The following GRID2 variants were observed in gnomAD, a reference collection of about 807,000 sequenced individuals.
GRID2 encodes the protein glutamate receptor ionotropic, delta-2.
GRID2 carries 33 observed loss-of-function variants against 114.8 expected under a neutral mutation model. That is an observed-to-expected ratio of 0.29 (90% CI 0.22 to 0.38). The LOEUF is 0.38. Among genes scored for constraint, GRID2 ranks in the 10% least tolerant of loss-of-function variants. GRID2 has a pLI of 1.00. For missense variants in GRID2, 1,184 were observed against 1,257.7 expected, an observed-to-expected ratio of 0.94 and a Z score of 0.89; for synonymous variants, 505 against 449.9, an observed-to-expected ratio of 1.12 and a Z score of -1.55.
At chr4:93,188,574 C>T (rs1268329202) in intron 4 of GRID2, among the ~76,000 whole-genome samples, 1 of 152,188 alleles carries the variant, frequency 6.6e-6, no homozygotes, top group Non-Finnish European at 1.5e-5. Flanking sequence ...TCCATAGTAA[C>T]CTTATCAAAT....
intron 2 of GRID2, among the ~76,000 whole-genome samples, chr4:92,936,116 G>A (rs1049346406): frequency 6.8e-6 from 1 of 146,228 alleles, no homozygotes; most frequent in Non-Finnish European, 1.5e-5. Flanking sequence ...CAAAAGAAAT[G>A]CACTTTTAAA....
rs139653739 is a variant in GRID2 at position 92,892,322 on chromosome 4, T to A, written c.245-192673T>A. On this transcript the variant is annotated intron_variant, in intron 2 of 15. Coordinates refer to ENST00000282020, the MANE Select transcript of GRID2 (RefSeq NM_001510.4). ...CTGTTAAAAAAAAATTGAGGGAACT[T>A]ATTCTGGGGTAAATGATGTTTTCAA... Among the ~76,000 whole-genome samples, 666 of 152,250 alleles carry A rather than the reference T, an allele frequency of 4.4e-3. 3 individuals carry two copies. Among genetic ancestry groups the A allele is most frequent in the Non-Finnish European group, 7.9e-3 (536 of 68,030 alleles).
At chr4:92,409,110 T>C (rs1731174681) in intron 1 of GRID2, among the ~76,000 whole-genome samples, 1 of 152,142 alleles carries the variant, frequency 6.6e-6, no homozygotes, top group Non-Finnish European at 1.5e-5. Context: ...GGGTTTCTCA[T>C]ATATGGCTCT....
At chr4:93,531,635 T>C (rs565168160) in intron 13 of GRID2, among the ~76,000 whole-genome samples, 1 of 152,260 alleles carries the variant, frequency 6.6e-6, no homozygotes, top group East Asian at 1.9e-4. Context: ...ATTAAGTTGA[T>C]AATAGATAAA....
At chr4:92,574,307 T>A (rs970226923) in intron 1 of GRID2, among the ~76,000 whole-genome samples, 1 of 152,126 alleles carries the variant, frequency 6.6e-6, no homozygotes, top group African/African-American at 2.4e-5. Flanking sequence ...AAGATTAGTA[T>A]TTTTATGTGT....
At chr4:92,932,587 T>C (rs1007635793) in intron 2 of GRID2, among the ~76,000 whole-genome samples, 1 of 151,338 alleles carries the variant, frequency 6.6e-6, no homozygotes, top group Non-Finnish European at 1.5e-5. Context: ...TGAAATCATA[T>C]GTCCACCAAA....
intron 1 of GRID2, among the ~76,000 whole-genome samples, chr4:92,556,806 A>G (rs1380209618): frequency 2.0e-5 from 3 of 152,256 alleles, no homozygotes; most frequent in East Asian, 3.9e-4. Flanking sequence ...TAGTATGAGC[A>G]AGCCCCAGAA....
intron 2 of GRID2, among the ~76,000 whole-genome samples, chr4:92,743,460 TAGAA>T (rs1473077906): frequency 1.3e-5 from 2 of 152,170 alleles, no homozygotes; most frequent in Non-Finnish European, 1.5e-5. Flanking sequence ...CTATTAAATT[TAGAA>T]AGACAGAGTT....
At chr4:92,439,434 TAAAAC>T (rs1262667031) in intron 1 of GRID2, among the ~76,000 whole-genome samples, 2 of 151,972 alleles carry the variant, frequency 1.3e-5, no homozygotes, top group Non-Finnish European at 2.9e-5. Flanking sequence ...ATAAGAAAAA[TAAAAC>T]AAAATAATGT....
At chr4:93,139,849 C>A (rs1735599632) in intron 4 of GRID2, among the ~76,000 whole-genome samples, 1 of 151,634 alleles carries the variant, frequency 6.6e-6, no homozygotes, top group African/African-American at 2.4e-5. Flanking sequence ...TAATGGGAAA[C>A]TAAACATTAT....
chr4:93,364,164 G>C (rs1762125762), intron 8 of GRID2, among the ~76,000 whole-genome samples: 1 of 151,994 alleles, frequency 6.6e-6, no homozygotes, highest in Admixed American at 6.6e-5. Flanking sequence ...CTGCTAAGGA[G>C]AAAAATACTA....
intron 4 of GRID2, among the ~76,000 whole-genome samples, chr4:93,141,783 G>A (rs1446264980): frequency 6.6e-6 from 1 of 152,132 alleles, no homozygotes; most frequent in Non-Finnish European, 1.5e-5. Context: ...ACAGAAAATT[G>A]TGCAATAGGG....
chr4:92,620,702 C>A (rs1021577149), intron 2 of GRID2, among the ~76,000 whole-genome samples: 8 of 150,960 alleles, frequency 5.3e-5, no homozygotes, highest in Non-Finnish European at 1.2e-4. Flanking sequence ...ACAAAGGGAG[C>A]CAGATTAGTC....
At chr4:93,779,417 T>C (rs1734436642), downstream of GRID2, among the ~76,000 whole-genome samples, 1 of 152,178 alleles carries the variant, frequency 6.6e-6, no homozygotes, top group African/African-American at 2.4e-5. Flanking sequence ...TCTGGTGTAC[T>C]GAAGCTTTGA....
intron 1 of GRID2, among the ~76,000 whole-genome samples, chr4:92,415,770 A>ATATATG (rs1731582062): frequency 7.6e-6 from 1 of 130,996 alleles, no homozygotes; most frequent in Admixed American, 7.7e-5. Context: ...ATATATATAT[A>ATATATG]TATATATATA....
chr4:93,159,061 C>CT (rs1227680909), intron 4 of GRID2, among the ~76,000 whole-genome samples: 53 of 144,746 alleles, frequency 3.7e-4, no homozygotes, highest in East Asian at 6.0e-4. Flanking sequence ...TCAGTTTGTG[C>CT]TTTTTTTTTT....
chr4:93,089,054 TTTATTA>T (rs1305634461), intron 3 of GRID2, among the ~76,000 whole-genome samples: 2 of 152,056 alleles, frequency 1.3e-5, no homozygotes, highest in African/African-American at 4.8e-5. Context: ...TAGTTATTAT[TTTATTA>T]TTATTATTTT....
intron 2 of GRID2, among the ~76,000 whole-genome samples, chr4:92,868,066 TTCTGTCTGTCTGTCTGTCTG>T (rs1194588659): frequency 1.6e-5 from 2 of 123,214 alleles, no homozygotes; most frequent in Admixed American, 8.3e-5. Context: ...CTTTCTTTCT[TTCTGTCTGTCTGTCTGTCTG>T]TCTTTCTTTC....
intron 2 of GRID2, among the ~76,000 whole-genome samples, chr4:92,878,904 A>G (rs78180972): frequency 0.027 from 4,169 of 152,130 alleles, 123 homozygotes; most frequent in East Asian, 0.076. Flanking sequence ...ATTTATACAA[A>G]CCCGTGAGGC....
Sources: allele counts gnomAD v4.1 joint callset (sites outside exome capture counted in the v4.1 genomes callset), GRCh38; gene constraint gnomAD v4.1.1; transcripts MANE v1.5; gene names NCBI Gene and HGNC (gene_info 2026-07-23, HGNC 2026-07-21).